JDP2: variants seen among roughly 807,000 people sequenced by gnomAD.
JDP2 encodes Jun dimerization protein 2.
A neutral mutation model predicts 17.1 loss-of-function variants in JDP2; 9 were observed. The ratio of observed to expected loss-of-function variants is 0.53; its 90% CI spans 0.32 to 0.92. The LOEUF (loss-of-function observed/expected upper bound fraction) is 0.92, where lower values mean the gene tolerates loss of function less well. Ranked by LOEUF, JDP2 falls within the 40% of genes least tolerant of loss-of-function variation. The pLI, the probability that JDP2 is intolerant of heterozygous loss-of-function variation, is 0.04. For synonymous variants in JDP2, 107 were observed against 95.6 expected (o/e 1.12, Z -0.69); for missense variants, 179 against 220.0 (o/e 0.81, Z 1.18).
At chr14:75,441,451 C>T (rs1169684269) in intron 2 of JDP2, among the ~76,000 whole-genome samples, 3 of 152,234 alleles carry the variant, frequency 2.0e-5, no homozygotes, top group Non-Finnish European at 4.4e-5. Flanking sequence ...ATGTGCTGAG[C>T]ACTGCACCAG....
intron 2 of JDP2, among the ~76,000 whole-genome samples, chr14:75,439,427 T>A (rs1885232902): frequency 6.6e-6 from 1 of 152,280 alleles, no homozygotes; most frequent in Admixed American, 6.5e-5. Flanking sequence ...CACTACCCTG[T>A]TCTGGCATGG....
At chr14:75,445,366 T>C in intron 2 of JDP2, 1 of 985,496 alleles carries the variant, frequency 1.0e-6, no homozygotes, top group Non-Finnish European at 1.2e-6. Flanking sequence ...CTGGGGCTCA[T>C]TGACTGTGCT....
At chr14:75,460,553 C>A (rs967478865) in intron 2 of JDP2, among the ~76,000 whole-genome samples, 1 of 152,124 alleles carries the variant, frequency 6.6e-6, no homozygotes. Context: ...AAAGGAAGTG[C>A]CTGGGAACCA....
intron 2 of JDP2, among the ~76,000 whole-genome samples, chr14:75,453,373 G>A (rs775707014): frequency 1.1e-4 from 16 of 152,178 alleles, no homozygotes; most frequent in Non-Finnish European, 1.9e-4. Context: ...TGGAGGCTGC[G>A]GGGCTGTTAC....
intron 1 of JDP2, among the ~76,000 whole-genome samples, chr14:75,433,945 T>G (rs1025489993): frequency 6.6e-6 from 1 of 152,190 alleles, no homozygotes; most frequent in African/African-American, 2.4e-5. Context: ...TCAGACCTCC[T>G]GGGCCCTGAA....
rs797022461 is a variant in JDP2 at position 75,441,933 on chromosome 14, T to C, written c.201+3812T>C. On this transcript the variant is annotated intron_variant, in intron 2 of 3. Coordinates refer to ENST00000651602, the MANE Select transcript of JDP2 (RefSeq NM_001135048.2). ...CTCTGGGTCTGGAATGCATTTTCAG[T>C]TGGGAGGGGAGGGAGGCCTGAAGCC... 1.1e-4 allele frequency among the ~76,000 whole-genome samples: 17 copies of C among 152,196 alleles called. 1 individual carries two copies. The highest frequency in any genetic ancestry group is 3.9e-4 in the African/African-American group (16 of 41,524).
Position 75,428,358 on chromosome 14 carries a change from C to T in JDP2, c.-24+106C>T, listed in dbSNP as rs936580703. 2 of 149,704 alleles carry T rather than the reference C, an allele frequency of 1.3e-5. No homozygotes were observed. Among genetic ancestry groups the T allele is most frequent in the Non-Finnish European group, 3.0e-5 (2 of 67,152 alleles). 9.3% of individuals were successfully genotyped at this position (149,704 alleles called of 1,614,324 possible). A position where few individuals can be genotyped will look rare whatever the true frequency, so the allele number is the denominator to read the frequency against. ...CCCCGCACGGGCGGAGCGCGAGGAG[C>T]CCCAGCCCAGCCCCGCGGGGAGGCT... On this transcript the variant is annotated intron_variant, in intron 1 of 3. Coordinates refer to ENST00000651602, the MANE Select transcript of JDP2 (RefSeq NM_001135048.2). The surrounding 1 kb of genome is among the most constrained non-coding windows in gnomAD (Gnocchi z 5.6).
intron 1 of JDP2, among the ~76,000 whole-genome samples, chr14:75,437,670 A>G (rs1885130712): frequency 6.6e-6 from 1 of 152,236 alleles, no homozygotes; most frequent in Non-Finnish European, 1.5e-5. Context: ...TTCAAAATAA[A>G]AAAGGCAGAC....
At position 75,461,518 on chromosome 14, in the gene JDP2, G is replaced by A. The variant is rs918877525; in HGVS notation, c.294G>A (p.Glu98=). ...GGAACAAGAAGAAGGAGCGCACGGA[G>A]TTTCTGCAGCGGGTGAGCTGACCGG... ...RCRNKKKERT[E]FLQRESERLE... The change falls in exon 3 of 4, where the codon GAG becomes GAA. Residue 98 remains glutamate (E), a synonymous_variant. Coordinates refer to ENST00000651602, the MANE Select transcript of JDP2 (RefSeq NM_001135048.2). The A allele has an allele frequency of 2.5e-6, 4 of 1,604,926 alleles. No homozygotes were observed. The African/African-American group carries it at 5.3e-5, about 21-fold the overall frequency.
At chr14:75,446,981 A>G (rs996643148) in intron 2 of JDP2, among the ~76,000 whole-genome samples, 2 of 152,308 alleles carry the variant, frequency 1.3e-5, no homozygotes, top group Middle Eastern at 3.4e-3. Flanking sequence ...AGCGGCAGTG[A>G]AGAAGCCTTT....
At chr14:75,460,320 G>T (rs1459153376) in intron 2 of JDP2, among the ~76,000 whole-genome samples, 1 of 152,098 alleles carries the variant, frequency 6.6e-6, no homozygotes, top group Non-Finnish European at 1.5e-5. Flanking sequence ...TGGGCATCCT[G>T]GGGGAAAGGA....
intron 2 of JDP2, among the ~76,000 whole-genome samples, chr14:75,439,210 C>T (rs1371212611): frequency 6.6e-6 from 1 of 152,130 alleles, no homozygotes; most frequent in Non-Finnish European, 1.5e-5. Flanking sequence ...TCTCAGCTCC[C>T]CTTCTCCTGA....
intron 3 of JDP2, among the ~76,000 whole-genome samples, chr14:75,466,302 G>A (rs538121446): frequency 3.3e-5 from 5 of 152,282 alleles, no homozygotes; most frequent in Admixed American, 6.5e-5. Flanking sequence ...TTAGCCAGGC[G>A]TGGTGGCACA....
At position 75,430,732 on chromosome 14, in the gene JDP2, C is replaced by T. The variant is rs1884759348; in HGVS notation, c.-24+2480C>T. 6.6e-6 allele frequency among the ~76,000 whole-genome samples: 1 copy of T among 152,058 alleles called. No individual in the cohort carries two copies. On this transcript the variant is annotated intron_variant, in intron 1 of 3. Transcript: ENST00000651602. The surrounding 1 kb of genome is among the most constrained non-coding windows in gnomAD (Gnocchi z 4.5). ...TCGGTTCCGTGGCTTGTATTACCAG[C>T]TCTGGAACTTAGGGGCTGCCAAGCT...
chr14:75,471,783 G>C lies in JDP2; in HGVS notation c.*2308G>C. 1 of 157,422 alleles carries C rather than the reference G, an allele frequency of 6.4e-6. No individual in the cohort carries two copies. The allele number at this position is 157,422 out of a possible 1,614,324, so 9.8% of individuals were successfully genotyped here. On this transcript the variant is annotated 3_prime_UTR_variant, in exon 4 of 4. Coordinates refer to ENST00000651602, the MANE Select transcript of JDP2 (RefSeq NM_001135048.2). Reference sequence around the variant, plus strand: ...TTGCCTTCTGTCTCGGGGGTCTTGAGGCTGTCGGTCCGGACGATGCAGGTG... The same window carrying C: ...TTGCCTTCTGTCTCGGGGGTCTTGACGCTGTCGGTCCGGACGATGCAGGTG...
chr14:75,436,362 G>C (rs1266994893), intron 1 of JDP2, among the ~76,000 whole-genome samples: 1 of 152,220 alleles, frequency 6.6e-6, no homozygotes, highest in Non-Finnish European at 1.5e-5. Flanking sequence ...ATGGACATCA[G>C]ATCTTCCCTC....
At chr14:75,453,312 A>AG (rs923385791) in intron 2 of JDP2, among the ~76,000 whole-genome samples, 3 of 151,908 alleles carry the variant, frequency 2.0e-5, no homozygotes, top group African/African-American at 7.3e-5. Flanking sequence ...TCCTCCATGC[A>AG]GGGGGGGCCC....
In JDP2 at chr14:75,428,085, G is replaced by A. The variant is rs912414395; in HGVS notation, c.-191G>A. The A allele has an allele frequency of 1.4e-5, 2 of 147,580 alleles. No individual in the cohort carries two copies. The highest frequency in any genetic ancestry group is 2.4e-5 in the African/African-American group (1 of 40,846). The allele number at this position is 147,580 out of a possible 1,614,324, so 9.1% of individuals were successfully genotyped here. On this transcript the variant is annotated 5_prime_UTR_variant, in exon 1 of 4. Coordinates refer to ENST00000651602, the MANE Select transcript of JDP2 (RefSeq NM_001135048.2). This position sits in a 1 kb window ranked among gnomAD's most constrained non-coding sequence, Gnocchi z 5.6. ...CGCGACGGGGGGCGCTGGCGGCGGC[G>A]GACGCTGCAGCGGCGGCGGGGCTGG... is the stretch of plus-strand genomic sequence containing the variant.
At chr14:75,454,063 A>C (rs1439006191) in intron 2 of JDP2, among the ~76,000 whole-genome samples, 2 of 152,124 alleles carry the variant, frequency 1.3e-5, no homozygotes, top group East Asian at 3.9e-4. Flanking sequence ...CAGAATTCAA[A>C]ATCACATCTG....
Sources: gnomAD v4.1 joint callset for allele counts (sites outside exome capture counted in the v4.1 genomes callset) on GRCh38, gnomAD v4.1.1 for gene constraint, Gnocchi (gnomAD v3.1) non-coding constraint, MANE v1.5 for transcripts, NCBI Gene and HGNC (gene_info 2026-07-23, HGNC 2026-07-21) for gene names.